RAPGEF4: variants seen among roughly 807,000 people sequenced by gnomAD.
RAPGEF4 encodes the protein Rap guanine nucleotide exchange factor 4, also known as RAP guanine-nucleotide-exchange factor (GEF) 4.
A neutral mutation model predicts 147.9 loss-of-function variants in RAPGEF4; 66 were observed. The observed-to-expected ratio is 0.45, with a 90% confidence interval of 0.37 to 0.55. RAPGEF4 has a LOEUF of 0.55. Ranked by LOEUF, RAPGEF4 falls within the 20% of genes least tolerant of loss-of-function variation. The pLI is 0.00. For synonymous variants in RAPGEF4, 419 were observed against 442.7 expected, an observed-to-expected ratio of 0.95 and a Z score of 0.67; for missense variants, 1,071 against 1,257.3, an observed-to-expected ratio of 0.85 and a Z score of 2.24.
In RAPGEF4 at chr2:172,786,005, G is replaced by T. The variant is rs577843739; in HGVS notation, c.66-9020G>T. 8.5e-5 allele frequency among the ~76,000 whole-genome samples: 13 copies of T among 152,216 alleles called. No individual in the cohort carries two copies. In the East Asian group the frequency reaches 1.5e-3, roughly 18 times the overall value. On this transcript the variant is annotated intron_variant, in intron 1 of 30. Transcript: ENST00000397081. Reference sequence around the variant, plus strand: ...TAGCCAAGCAACGGAAGTCATCGAGGGGACAATGTTTCTTACTGATTTATG... The same window carrying T: ...TAGCCAAGCAACGGAAGTCATCGAGTGGACAATGTTTCTTACTGATTTATG...
At chr2:172,797,444 T>C (rs1373289009) in intron 2 of RAPGEF4, 81 bp from the exon 3 acceptor site, 3 of 1,104,164 alleles carry the variant, frequency 2.7e-6, no homozygotes, top group Non-Finnish European at 4.0e-6. Context: ...AAGACATGCT[T>C]GGACCAGTGA....
intron 10 of RAPGEF4, among the ~76,000 whole-genome samples, chr2:172,974,678 A>G (rs2105579283): frequency 6.6e-6 from 1 of 152,262 alleles, no homozygotes; most frequent in South Asian, 2.1e-4. Flanking sequence ...GTGAGACTCC[A>G]TCTCAAAAAA....
intron 1 of RAPGEF4, among the ~76,000 whole-genome samples, chr2:172,794,529 G>C (rs1686181856): frequency 6.6e-6 from 1 of 152,132 alleles, no homozygotes; most frequent in Admixed American, 6.5e-5. Context: ...AGTTCACCCT[G>C]ATGCCCACCA....
At chr2:173,001,477 G>C in intron 17 of RAPGEF4, 133 bp downstream of exon 17, 1 of 1,077,986 alleles carries the variant, frequency 9.3e-7, no homozygotes, top group East Asian at 2.5e-5. Context: ...TCATCACACT[G>C]AAATGTGTTT....
chr2:172,936,615 T>A (rs1424548495), intron 6 of RAPGEF4, among the ~76,000 whole-genome samples: 2 of 152,112 alleles, frequency 1.3e-5, no homozygotes, highest in East Asian at 3.8e-4. Context: ...TAATTTTTTT[T>A]AAATAGCTAT....
intron 4 of RAPGEF4, among the ~76,000 whole-genome samples, chr2:172,831,658 T>C (rs964887593): frequency 6.6e-6 from 1 of 152,178 alleles, no homozygotes; most frequent in Non-Finnish European, 1.5e-5. Context: ...TGTTGGAAAT[T>C]TGAAGTAATG....
intron 4 of RAPGEF4, among the ~76,000 whole-genome samples, chr2:172,863,277 C>T (rs1041624402): frequency 2.6e-5 from 4 of 151,976 alleles, no homozygotes; most frequent in Non-Finnish European, 5.9e-5. Flanking sequence ...AATTGGAGTG[C>T]TCTAGTTAAC....
At chr2:172,867,304 TTGAC>T (rs1485658645) in intron 4 of RAPGEF4, among the ~76,000 whole-genome samples, 2 of 152,154 alleles carry the variant, frequency 1.3e-5, no homozygotes, top group African/African-American at 4.8e-5. Flanking sequence ...AAAAAAACCT[TTGAC>T]TGTCTGTATT....
chr2:172,958,167 G>A (rs1352662213), intron 6 of RAPGEF4, among the ~76,000 whole-genome samples: 1 of 152,202 alleles, frequency 6.6e-6, no homozygotes, highest in Non-Finnish European at 1.5e-5. Flanking sequence ...GGAAAGAAAA[G>A]TTGAGCTCAG....
intron 4 of RAPGEF4, among the ~76,000 whole-genome samples, chr2:172,850,678 A>G (rs1412617779): frequency 1.1e-4 from 16 of 152,190 alleles, no homozygotes; most frequent in Admixed American, 2.0e-4. Flanking sequence ...TAAAGTAAAG[A>G]AAAATTTTCT....
chr2:172,914,808 G>C (rs1683871080), intron 4 of RAPGEF4, among the ~76,000 whole-genome samples: 1 of 152,048 alleles, frequency 6.6e-6, no homozygotes, highest in East Asian at 1.9e-4. Flanking sequence ...TTGGAACTTT[G>C]CCAATTCTGA....
intron 4 of RAPGEF4, among the ~76,000 whole-genome samples, chr2:172,850,477 G>A (rs902700779): frequency 2.6e-5 from 4 of 151,984 alleles, no homozygotes; most frequent in African/African-American, 9.7e-5. Flanking sequence ...AATTAGCCGG[G>A]CATGGTGGCG....
intron 6 of RAPGEF4, among the ~76,000 whole-genome samples, chr2:172,955,866 C>T (rs1371369142): frequency 6.6e-6 from 1 of 152,180 alleles, no homozygotes; most frequent in Non-Finnish European, 1.5e-5. Context: ...GCCCTGTGGC[C>T]ACTGCGACAT....
intron 29 of RAPGEF4, among the ~76,000 whole-genome samples, chr2:173,040,445 C>T (rs954875136): frequency 6.6e-6 from 1 of 152,144 alleles, no homozygotes; most frequent in African/African-American, 2.4e-5. Flanking sequence ...CCCAGTCATC[C>T]ATCGTCAAGG....
chr2:172,853,876 T>TTAAA (rs369488469), intron 4 of RAPGEF4, among the ~76,000 whole-genome samples: 73,055 of 151,506 alleles, frequency 0.48, 17,946 homozygotes, highest in African/African-American at 0.58. Context: ...TTTAATTAAA[T>TTAAA]TGTGGTCCGA....
chr2:172,821,926 G>A, intron 4 of RAPGEF4: 1 of 1,613,484 alleles, frequency 6.2e-7, no homozygotes, highest in Non-Finnish European at 8.5e-7. Context: ...ATGCTCACTG[G>A]ATGTCTGAGA....
chr2:172,919,242 C>T (rs983870626), intron 5 of RAPGEF4, among the ~76,000 whole-genome samples: 1 of 152,160 alleles, frequency 6.6e-6, no homozygotes, highest in East Asian at 1.9e-4. Context: ...TCAAGTGAAT[C>T]AAAGTATGTT....
At chr2:172,827,410 G>T (rs528145993) in intron 4 of RAPGEF4, among the ~76,000 whole-genome samples, 29 of 152,140 alleles carry the variant, frequency 1.9e-4, no homozygotes, top group African/African-American at 6.3e-4. Flanking sequence ...CAGTATTTCA[G>T]GTTCGCTTTC....
chr2:172,962,075 T>G (rs1409715600), intron 8 of RAPGEF4, among the ~76,000 whole-genome samples: 1 of 152,206 alleles, frequency 6.6e-6, no homozygotes, highest in Non-Finnish European at 1.5e-5. Flanking sequence ...GTGGGCCAGT[T>G]AAGAACTCGA....
Sources: allele counts gnomAD v4.1 joint callset (sites outside exome capture counted in the v4.1 genomes callset), GRCh38; gene constraint gnomAD v4.1.1; transcripts MANE v1.5; gene names NCBI Gene and HGNC (gene_info 2026-07-23, HGNC 2026-07-21).